The following UBA2 variants were observed in gnomAD, a reference collection of about 807,000 sequenced individuals.
UBA2 encodes ubiquitin like modifier activating enzyme 2.
UBA2 carries 11 observed loss-of-function variants against 77.2 expected under a neutral mutation model. The observed-to-expected ratio is 0.14, with a 90% confidence interval of 0.09 to 0.24. The LOEUF (loss-of-function observed/expected upper bound fraction) is 0.24. Ranked by LOEUF, UBA2 falls within the 10% of genes least tolerant of loss-of-function variation. The pLI is 1.00. For missense variants in UBA2, 487 were observed against 781.7 expected (o/e 0.62, Z 4.50); for synonymous variants, 278 against 276.7 (o/e 1.00, Z -0.05).
At chr19:34,448,950 T>G (rs1049370582) in intron 8 of UBA2, among the ~76,000 whole-genome samples, 2 of 152,174 alleles carry the variant, frequency 1.3e-5, no homozygotes, top group African/African-American at 4.8e-5. Context: ...ACAAAATGTT[T>G]CCAGCCACAT....
rs3787035 is a variant in UBA2, at chr19:34,460,118, A to G, written c.1402-352A>G. Among the ~76,000 whole-genome samples, 7,384 of 152,260 alleles carry G rather than the reference A, an allele frequency of 0.048. 936 individuals carry two copies. In the East Asian group the frequency reaches 0.53, roughly 11 times the overall value. On this transcript the variant is annotated intron_variant, in intron 13 of 16. Transcript: ENST00000246548. The stretch of plus-strand genomic sequence containing the variant: ...AGGTTAATGAGAACTGATTCCATCT[A>G]TGAAACCCCTGCCATTACAGGGTTG...
chr19:34,438,909 C>G, intron 6 of UBA2, 143 bp downstream of exon 6: 1 of 1,200,878 alleles, frequency 8.3e-7, no homozygotes, highest in East Asian at 2.5e-5. Context: ...TGCAGTATTT[C>G]TTAGGTTAAA....
chr19:34,430,251 A>T (rs2075236784), intron 1 of UBA2: 1 of 208,396 alleles, frequency 4.8e-6, no homozygotes, highest in Non-Finnish European at 9.6e-6. Flanking sequence ...GTTTACCTCG[A>T]CAGCACATAT....
rs1364966838 is a variant in UBA2, at chr19:34,428,492, G to A, written c.60G>A (p.Val20=). 2.5e-5 allele frequency: 33 copies of A among 1,299,332 alleles called. No individual in the cohort carries two copies. The highest frequency in any genetic ancestry group is 3.2e-5 in the Non-Finnish European group (33 of 1,017,240). The allele number at this position is 1,299,332 out of a possible 1,614,324, so 80.5% of individuals were successfully genotyped here. The change falls in exon 1 of 17, where the codon GTG becomes GTA. Residue 20 remains valine (V), a synonymous_variant. Transcript: ENST00000246548. ...CTGAGGCGGTGGCCGGGGGCCGGGTGCTGGTGGTGGGGGCGGGCGGCATCG... is the reference window on the plus strand; with the variant it reads ...CTGAGGCGGTGGCCGGGGGCCGGGTACTGGTGGTGGGGGCGGGCGGCATCG... The part of the protein sequence containing the change: ...ELAEAVAGGR[V]LVVGAGGIGC...
intron 12 of UBA2, among the ~76,000 whole-genome samples, chr19:34,458,486 A>T (rs923824308): frequency 1.5e-5 from 2 of 137,490 alleles, no homozygotes; most frequent in Non-Finnish European, 3.0e-5. Flanking sequence ...CGTGAACCCC[A>T]GGGGGCGGAG....
chr19:34,430,705 A>C, intron 2 of UBA2, 46 bp downstream of exon 2: 1 of 1,456,060 alleles, frequency 6.9e-7, no homozygotes, highest in Non-Finnish European at 9.6e-7. Context: ...TGGAGCTTCT[A>C]TTTGTGATAC....
intron 14 of UBA2, 59 bp downstream of exon 14, chr19:34,460,625 A>G: frequency 8.3e-7 from 1 of 1,205,088 alleles, no homozygotes; most frequent in Non-Finnish European, 1.2e-6. Context: ...AAGAGTGCAC[A>G]TTAGTTGATT....
chr19:34,439,659 G>C (rs2075346959), intron 6 of UBA2, among the ~76,000 whole-genome samples: 1 of 151,972 alleles, frequency 6.6e-6, no homozygotes, highest in Non-Finnish European at 1.5e-5. Flanking sequence ...GCAAAACCGT[G>C]TCTCTACAAA....
chr19:34,456,100 CT>C lies in UBA2; in HGVS notation c.1245+1549del, dbSNP rs869118014. ...CCCGATGCGCTCTTTTTTTCCTTTT[CT>C]TTTTCTTTTTTTTTTTTTTTTTTGA... On this transcript the variant is annotated intron_variant, in intron 12 of 16. Transcript: ENST00000246548. Among the ~76,000 whole-genome samples the C allele has an allele frequency of 9.2e-3, 511 of 55,756 alleles. 12 individuals are homozygous for C. Among genetic ancestry groups the C allele is most frequent in the Non-Finnish European group, 9.4e-3 (292 of 31,168 alleles). The allele number at this position is 55,756 out of a possible 152,430, so 36.6% of individuals were successfully genotyped here.
intron 14 of UBA2, among the ~76,000 whole-genome samples, chr19:34,461,872 C>T (rs528569795): frequency 1.3e-5 from 2 of 152,142 alleles, no homozygotes; most frequent in South Asian, 2.1e-4. Flanking sequence ...CTTTGTGAAA[C>T]GGAGGGGGAG....
intron 6 of UBA2, among the ~76,000 whole-genome samples, chr19:34,441,311 C>T (rs1044284184): frequency 5.3e-5 from 8 of 151,858 alleles, no homozygotes; most frequent in Non-Finnish European, 1.0e-4. Context: ...AAAAATTAGC[C>T]GGATGTGGTG....
chr19:34,440,285 G>A (rs1400686723), intron 6 of UBA2, among the ~76,000 whole-genome samples: 6 of 151,006 alleles, frequency 4.0e-5, no homozygotes, highest in African/African-American at 1.5e-4. Flanking sequence ...TCCAGCCTGG[G>A]GGACAGCATG....
At chr19:34,434,842 A>G in intron 4 of UBA2, 26 bp from the exon 5 acceptor site, 2 of 1,557,194 alleles carry the variant, frequency 1.3e-6, no homozygotes, top group South Asian at 1.2e-5. Context: ...TTTCCCAAAA[A>G]CTCATACTGT....
intron 1 of UBA2, among the ~76,000 whole-genome samples, chr19:34,429,630 G>A (rs1438299394): frequency 6.6e-6 from 1 of 152,022 alleles, no homozygotes; most frequent in Non-Finnish European, 1.5e-5. Context: ...TATCATTTAA[G>A]AAAAAGAACA....
Position 34,428,585 on chromosome 19 carries a change from C to T in UBA2, c.138+15C>T, listed in dbSNP as rs764147602. On this transcript the variant is annotated intron_variant, in intron 1 of 16. Coordinates refer to ENST00000246548, the MANE Select transcript of UBA2 (RefSeq NM_005499.3). ...ACATCGACCTGGTGAGGGCCGGGCG[C>T]GCGCGCGTGAATGGCGGGCTGTGGT... 4.1e-5 allele frequency: 51 copies of T among 1,240,728 alleles called. No homozygotes were observed. Among genetic ancestry groups the T allele is most frequent in the Non-Finnish European group, 5.1e-5 (50 of 977,994 alleles). 76.9% of individuals were successfully genotyped at this position (1,240,728 alleles called of 1,614,324 possible).
At chr19:34,428,781 G>C in intron 1 of UBA2, 2 of 1,138,660 alleles carry the variant, frequency 1.8e-6, no homozygotes, top group Non-Finnish European at 2.2e-6. Flanking sequence ...CGCTGGGCCG[G>C]CTCCGGACGC....
chr19:34,452,179 C>A (rs781755246), intron 10 of UBA2, 32 bp downstream of exon 10: 1 of 1,524,512 alleles, frequency 6.6e-7, no homozygotes, highest in Non-Finnish European at 8.9e-7. Context: ...CAAGTACTTA[C>A]ATGTCAAAAG....
At chr19:34,455,745 G>A (rs2075551065) in intron 12 of UBA2, among the ~76,000 whole-genome samples, 1 of 152,080 alleles carries the variant, frequency 6.6e-6, no homozygotes, top group Admixed American at 6.6e-5. Flanking sequence ...CCAGGATCAA[G>A]CGATTCTCCT....
At chr19:34,444,002 A>G (rs894796816) in intron 7 of UBA2, 91 bp downstream of exon 7, 7 of 640,358 alleles carry the variant, frequency 1.1e-5, no homozygotes, top group African/African-American at 2.2e-5. Context: ...AAAAATTGCT[A>G]TATGTGCTAG....
Sources: gnomAD v4.1 joint callset for allele counts (sites outside exome capture counted in the v4.1 genomes callset) on GRCh38, gnomAD v4.1.1 for gene constraint, MANE v1.5 for transcripts, NCBI Gene and HGNC (gene_info 2026-07-23, HGNC 2026-07-21) for gene names.